NTN4: variants seen among roughly 807,000 people sequenced by gnomAD.
NTN4 encodes the protein netrin 4, also known as netrin-4.
In NTN4, 32 loss-of-function variants were observed where a neutral mutation model predicts 73.6. That is an observed-to-expected ratio of 0.44 (90% CI 0.33 to 0.58). The LOEUF is 0.58. Among genes scored for constraint, NTN4 ranks in the 20% least tolerant of loss-of-function variants. NTN4 has a pLI of 0.04. For synonymous variants in NTN4, 258 were observed against 287.5 expected (o/e 0.90, Z 1.04); for missense variants, 654 against 798.3 (o/e 0.82, Z 2.18).
At position 95,735,904 on chromosome 12, in the gene NTN4, T is replaced by TA. The variant is rs1491113123; in HGVS notation, c.864+1961_864+1962insT. On this transcript the variant is annotated intron_variant, in intron 3 of 9. Coordinates refer to ENST00000343702, the MANE Select transcript of NTN4 (RefSeq NM_021229.4). ...ATGCCTGCTCATGATTTTTTTTAAA[T>TA]TTTTATTTATTTATTTATTTATTTA... 4.4e-3 allele frequency among the ~76,000 whole-genome samples: 322 copies of TA among 72,676 alleles called. 1 individual carries two copies. The highest frequency in any genetic ancestry group is 8.6e-3 in the Non-Finnish European group (220 of 25,466). The allele number at this position is 72,676 out of a possible 152,430, so 47.7% of individuals were successfully genotyped here. A position where few individuals can be genotyped will look rare whatever the true frequency, so the allele number is the denominator to read the frequency against.
At chr12:95,690,470 C>T (rs925298802) in intron 5 of NTN4, among the ~76,000 whole-genome samples, 6 of 152,166 alleles carry the variant, frequency 3.9e-5, no homozygotes, top group African/African-American at 1.4e-4. Context: ...TATATTCATA[C>T]AGTTATGATA....
At chr12:95,783,963 A>G (rs1370663945) in intron 2 of NTN4, among the ~76,000 whole-genome samples, 2 of 152,220 alleles carry the variant, frequency 1.3e-5, no homozygotes, top group African/African-American at 4.8e-5. Context: ...AACCCAAAGC[A>G]GTATTTCTGA....
chr12:95,729,840 C>T lies in NTN4; in HGVS notation c.864+8026G>A, dbSNP rs111559308. 2.3e-3 allele frequency among the ~76,000 whole-genome samples: 343 copies of T among 152,186 alleles called. 1 individual carries two copies. The highest frequency in any genetic ancestry group is 7.3e-3 in the African/African-American group (304 of 41,518). ...ACACAAATGAAATACCATGGAGACA[C>T]GATTTGTGCACCAGAAGTCAGATAT... On this transcript the variant is annotated intron_variant, in intron 3 of 9. Coordinates refer to ENST00000343702, the MANE Select transcript of NTN4 (RefSeq NM_021229.4).
intron 5 of NTN4, among the ~76,000 whole-genome samples, chr12:95,688,250 A>C (rs778078791): frequency 7.2e-5 from 11 of 152,172 alleles, no homozygotes; most frequent in Non-Finnish European, 1.5e-4. Flanking sequence ...ATGGGAGGTA[A>C]GTTTGGATAT....
chr12:95,771,041 G>A (rs1407832505), intron 2 of NTN4, among the ~76,000 whole-genome samples: 2 of 145,176 alleles, frequency 1.4e-5, no homozygotes, highest in East Asian at 1.9e-4. Flanking sequence ...CCAGGCTGGA[G>A]TGCAGTGGCG....
intron 9 of NTN4, among the ~76,000 whole-genome samples, chr12:95,661,332 TAAGAG>T (rs1277662183): frequency 1.3e-5 from 2 of 152,164 alleles, no homozygotes; most frequent in Admixed American, 1.3e-4. Context: ...TGCCAGCTAA[TAAGAG>T]AAGAGAATTC....
At chr12:95,720,706 G>A (rs2078641385) in intron 3 of NTN4, among the ~76,000 whole-genome samples, 1 of 152,102 alleles carries the variant, frequency 6.6e-6, no homozygotes. Flanking sequence ...CTTCCTATAA[G>A]GGGTATACAG....
At chr12:95,730,790 C>T (rs949718116) in intron 3 of NTN4, among the ~76,000 whole-genome samples, 2 of 152,154 alleles carry the variant, frequency 1.3e-5, no homozygotes, top group Non-Finnish European at 2.9e-5. Context: ...AGGATAGGCT[C>T]ACACTAATTG....
chr12:95,736,170 C>T (rs1485826631), intron 3 of NTN4, among the ~76,000 whole-genome samples: 3 of 152,034 alleles, frequency 2.0e-5, no homozygotes, highest in Non-Finnish European at 4.4e-5. Context: ...AACTCCTGAC[C>T]TCAGGTGATC....
At position 95,735,944 on chromosome 12, in the gene NTN4, TATTTA is replaced by T. The variant is rs1565901355; in HGVS notation, c.864+1917_864+1921del. Reference sequence around the variant, plus strand: ...TTATTTATTTATTTATTTATTTATTTATTTATTTTTTTGAGACAGAGTCTTGCTTT... The same window carrying T: ...TTATTTATTTATTTATTTATTTATTTTTTTTTTGAGACAGAGTCTTGCTTT... On this transcript the variant is annotated intron_variant, in intron 3 of 9. Transcript: ENST00000343702. 9.7e-4 allele frequency among the ~76,000 whole-genome samples: 145 copies of T among 150,046 alleles called. 1 individual carries two copies. Among genetic ancestry groups the T allele is most frequent in the African/African-American group, 3.4e-3 (137 of 40,524 alleles).
Position 95,729,626 on chromosome 12 carries a change from A to AGT in NTN4, c.864+8239_864+8240insAC, listed in dbSNP as rs1174300161. ...GGAATTATTATAAAGAGAGAGAGAG[A>AGT]GAGAGAGTGTGTGTGTGTGTGTGTG... is the stretch of plus-strand genomic sequence containing the variant. On this transcript the variant is annotated intron_variant, in intron 3 of 9. Coordinates refer to ENST00000343702, the MANE Select transcript of NTN4 (RefSeq NM_021229.4). 4.4e-3 allele frequency among the ~76,000 whole-genome samples: 543 copies of AGT among 122,538 alleles called. 1 individual carries two copies. Among genetic ancestry groups the AGT allele is most frequent in the African/African-American group, 6.0e-3 (168 of 27,782 alleles). 80.4% of individuals were successfully genotyped at this position (122,538 alleles called of 152,430 possible). A position where few individuals can be genotyped will look rare whatever the true frequency, so the allele number is the denominator to read the frequency against.
intron 5 of NTN4, among the ~76,000 whole-genome samples, chr12:95,686,418 G>T (rs11108197): frequency 0.19 from 28,575 of 152,128 alleles, 3,257 homozygotes; most frequent in Non-Finnish European, 0.25. Flanking sequence ...ATCATTTAGC[G>T]ATCTGAGCCA....
chr12:95,680,121 A>T (rs1565881537), intron 7 of NTN4, among the ~76,000 whole-genome samples: 1 of 152,186 alleles, frequency 6.6e-6, no homozygotes, highest in Non-Finnish European at 1.5e-5. Flanking sequence ...TACACTAAAC[A>T]TTCATCATAC....
chr12:95,690,162 C>G (rs2078391463), intron 5 of NTN4, among the ~76,000 whole-genome samples: 1 of 152,184 alleles, frequency 6.6e-6, no homozygotes, highest in South Asian at 2.1e-4. Flanking sequence ...GATATAAGCA[C>G]TATTTACAAA....
chr12:95,742,486 T>G (rs1445714157), intron 2 of NTN4, among the ~76,000 whole-genome samples: 2 of 152,208 alleles, frequency 1.3e-5, no homozygotes, highest in Admixed American at 1.3e-4. Flanking sequence ...AGTCAAGGAA[T>G]TCTTTGAGAA....
At chr12:95,785,832 A>G (rs976900709) in intron 2 of NTN4, among the ~76,000 whole-genome samples, 11 of 152,212 alleles carry the variant, frequency 7.2e-5, no homozygotes, top group African/African-American at 2.7e-4. Context: ...TGATCCATGT[A>G]TTGGATATAT....
intron 2 of NTN4, among the ~76,000 whole-genome samples, chr12:95,741,760 T>C (rs1426034144): frequency 6.6e-6 from 1 of 151,732 alleles, no homozygotes; most frequent in South Asian, 2.1e-4. Flanking sequence ...ATAAAATTTA[T>C]GTAAATGTGG....
chr12:95,733,023 C>A (rs2078750012), intron 3 of NTN4, among the ~76,000 whole-genome samples: 2 of 152,278 alleles, frequency 1.3e-5, no homozygotes, highest in East Asian at 3.9e-4. Flanking sequence ...AAAATATTGA[C>A]CATCTTTTAA....
chr12:95,733,626 G>A (rs1490712879), intron 3 of NTN4, among the ~76,000 whole-genome samples: 2 of 152,168 alleles, frequency 1.3e-5, no homozygotes, highest in Non-Finnish European at 2.9e-5. Flanking sequence ...AGATTTAGCT[G>A]TGTTTGGCTC....
Sources: gnomAD v4.1 joint callset for allele counts (sites outside exome capture counted in the v4.1 genomes callset) on GRCh38, gnomAD v4.1.1 for gene constraint, MANE v1.5 for transcripts, NCBI Gene and HGNC (gene_info 2026-07-23, HGNC 2026-07-21) for gene names.